The following TASP1 variants were observed in gnomAD, a reference collection of about 807,000 sequenced individuals.
The protein encoded by TASP1 is threonine aspartase 1.
A neutral mutation model predicts 56.6 loss-of-function variants in TASP1; 16 were observed. That is an observed-to-expected ratio of 0.28 (90% CI 0.19 to 0.43). The LOEUF (loss-of-function observed/expected upper bound fraction) is 0.43, where lower values mean the gene tolerates loss of function less well. TASP1 is among the 20% of genes least tolerant of loss of function. The probability of loss-of-function intolerance (pLI) is 1.00; values close to 1 mark genes in which losing one functional copy is unlikely to be tolerated. For synonymous variants in TASP1, 179 were observed against 184.2 expected, an observed-to-expected ratio of 0.97 and a Z score of 0.23; for missense variants, 393 against 511.6, an observed-to-expected ratio of 0.77 and a Z score of 2.24.
At chr20:13,486,320 A>C (rs891270312) in intron 10 of TASP1, among the ~76,000 whole-genome samples, 5 of 152,180 alleles carry the variant, frequency 3.3e-5, no homozygotes, top group African/African-American at 9.6e-5. Flanking sequence ...CTTAGCAGAA[A>C]ACATGGATTA....
At chr20:13,548,078 T>C (rs749353027) in intron 8 of TASP1, among the ~76,000 whole-genome samples, 1 of 152,154 alleles carries the variant, frequency 6.6e-6, no homozygotes, top group Non-Finnish European at 1.5e-5. Flanking sequence ...CTTGACAATG[T>C]GACCCGGAGT....
At chr20:13,301,448 CA>C in the TASP1 span, among the ~76,000 whole-genome samples, 6 of 152,146 alleles carry the variant, frequency 3.9e-5, no homozygotes, top group Admixed American at 2.6e-4. Context: ...CTTGGCCTCC[CA>C]AAGCACTGGG....
chr20:13,338,544 G>A, the TASP1 span, among the ~76,000 whole-genome samples: 6 of 152,222 alleles, frequency 3.9e-5, no homozygotes, highest in Admixed American at 6.5e-5. Context: ...TGGTTCAAAC[G>A]CCTCTGACAT....
At chr20:13,621,358 G>A (rs1184715903) in intron 4 of TASP1, among the ~76,000 whole-genome samples, 1 of 152,126 alleles carries the variant, frequency 6.6e-6, no homozygotes, top group African/African-American at 2.4e-5. Context: ...TTGAGCCTGG[G>A]AGGCAGAGGT....
At chr20:13,468,836 A>G (rs1316222338) in intron 11 of TASP1, among the ~76,000 whole-genome samples, 1 of 150,086 alleles carries the variant, frequency 6.7e-6, no homozygotes, top group Admixed American at 6.7e-5. Flanking sequence ...ATATGGAGAC[A>G]AGAATTTTTG....
At chr20:13,595,547 GAAAGCAAAAAAAAGC>G (rs2047695999) in intron 4 of TASP1, among the ~76,000 whole-genome samples, 2 of 151,650 alleles carry the variant, frequency 1.3e-5, no homozygotes, top group Admixed American at 1.3e-4. Context: ...CAAGCAAATG[GAAAGCAAAAAAAAGC>G]AGGGGTTGCA....
At chr20:13,494,654 A>G (rs1216630957) in intron 10 of TASP1, among the ~76,000 whole-genome samples, 3 of 152,154 alleles carry the variant, frequency 2.0e-5, no homozygotes, top group Non-Finnish European at 2.9e-5. Flanking sequence ...ACTCCTAGTA[A>G]CATGCTCATT....
the TASP1 span, among the ~76,000 whole-genome samples, chr20:13,215,982 G>C: frequency 2.6e-5 from 4 of 152,172 alleles, no homozygotes; most frequent in Admixed American, 1.3e-4. Flanking sequence ...AACACTTCAG[G>C]CTTTCTGTTC....
chr20:13,299,119 G>C, the TASP1 span: 1 of 1,613,322 alleles, frequency 6.2e-7, no homozygotes, highest in Non-Finnish European at 8.5e-7. The surrounding 1 kb of genome is among the most constrained non-coding windows in gnomAD (Gnocchi z 5.8). Context: ...AAGGACGCCA[G>C]CGGGCCCAAG....
At chr20:13,537,105 T>C (rs1344676626) in intron 8 of TASP1, among the ~76,000 whole-genome samples, 1 of 152,176 alleles carries the variant, frequency 6.6e-6, no homozygotes, top group East Asian at 1.9e-4. Flanking sequence ...TGCTATGCAT[T>C]ATCTGTAAAG....
At chr20:13,407,374 A>C (rs1207380891) in intron 13 of TASP1, among the ~76,000 whole-genome samples, 1 of 152,196 alleles carries the variant, frequency 6.6e-6, no homozygotes, top group Non-Finnish European at 1.5e-5. Flanking sequence ...TAATGTTTTC[A>C]AGGTTCATCC....
At chr20:13,276,312 C>T in the TASP1 span, among the ~76,000 whole-genome samples, 754 of 152,272 alleles carry the variant, frequency 5.0e-3, 6 homozygotes, top group Non-Finnish European at 8.1e-3. Context: ...TTATTATCAC[C>T]TAGACTGAGA....
chr20:13,500,147 T>C (rs751686827), intron 10 of TASP1, among the ~76,000 whole-genome samples: 27 of 151,406 alleles, frequency 1.8e-4, no homozygotes, highest in Admixed American at 5.9e-4. Flanking sequence ...AAAATACATA[T>C]ATAAATGTTT....
At chr20:13,283,075 C>G in the TASP1 span, among the ~76,000 whole-genome samples, 1 of 152,058 alleles carries the variant, frequency 6.6e-6, no homozygotes, top group Admixed American at 6.6e-5. Context: ...GAGTCTTGCC[C>G]TGTTGCCCAG....
At chr20:13,145,596 C>T in the TASP1 span, among the ~76,000 whole-genome samples, 1 of 152,010 alleles carries the variant, frequency 6.6e-6, no homozygotes, top group South Asian at 2.1e-4. Context: ...CTATGCCCAT[C>T]AAACTACCAA....
the TASP1 span, among the ~76,000 whole-genome samples, chr20:13,346,588 A>G: frequency 1.3e-5 from 2 of 152,206 alleles, no homozygotes; most frequent in African/African-American, 2.4e-5. Flanking sequence ...GTGTGTCAGG[A>G]GTTCAGCGCA....
At chr20:13,409,022 C>G (rs2042012620) in intron 13 of TASP1, among the ~76,000 whole-genome samples, 1 of 151,922 alleles carries the variant, frequency 6.6e-6, no homozygotes, top group Non-Finnish European at 1.5e-5. Context: ...CTTCTTAAAG[C>G]TTCTTAAGAT....
the TASP1 span, among the ~76,000 whole-genome samples, chr20:13,194,961 CT>C: frequency 6.6e-6 from 1 of 151,962 alleles, no homozygotes; most frequent in African/African-American, 2.4e-5. Context: ...GGGGGTGCGC[CT>C]GGGGTGCCTT....
chr20:13,335,324 GCACA>G, the TASP1 span, among the ~76,000 whole-genome samples: 10,546 of 141,478 alleles, frequency 0.075, 805 homozygotes, highest in African/African-American at 0.19. Context: ...CCTCACCTAT[GCACA>G]CACACACACA....
Sources: gnomAD v4.1 joint callset for allele counts (sites outside exome capture counted in the v4.1 genomes callset) on GRCh38, gnomAD v4.1.1 for gene constraint, Gnocchi (gnomAD v3.1) non-coding constraint, MANE v1.5 for transcripts, NCBI Gene and HGNC (gene_info 2026-07-23, HGNC 2026-07-21) for gene names.